Variants in RUNX1T1 observed in about 807,000 individuals in gnomAD.
RUNX1T1 encodes the protein RUNX1 partner transcriptional co-repressor 1, also known as protein CBFA2T1.
A neutral mutation model predicts 62.8 loss-of-function variants in RUNX1T1; 4 were observed. The observed-to-expected ratio is 0.06, with a 90% CI of 0.03 to 0.15. RUNX1T1 has a LOEUF of 0.15. Ranked by LOEUF, RUNX1T1 falls within the 10% of genes least tolerant of loss-of-function variation. The probability of loss-of-function intolerance (pLI) is 1.00; values close to 1 mark genes in which losing one functional copy is unlikely to be tolerated. For missense variants in RUNX1T1, 508 were observed against 754.3 expected, an observed-to-expected ratio of 0.67 and a Z score of 3.82; for synonymous variants, 291 against 286.0, an observed-to-expected ratio of 1.02 and a Z score of -0.18.
chr8:92,071,349 A>C (rs1186730777), intron 2 of RUNX1T1: 1 of 152,226 alleles, frequency 6.6e-6, no homozygotes, highest in African/African-American at 2.4e-5. Flanking sequence ...GGAAAAGAGC[A>C]ACACACATAG....
At position 92,035,883 on chromosome 8, in the gene RUNX1T1, A is replaced by G. The variant is rs1192552359; in HGVS notation, c.8-18520T>C. Among the ~76,000 whole-genome samples the G allele has an allele frequency of 2.6e-5, 4 of 152,260 alleles. No individual in the cohort carries two copies. The South Asian group carries it at 6.2e-4, about 24-fold the overall frequency. The stretch of plus-strand genomic sequence containing the variant: ...TTAATACCAGGAAAACCATTGGGGA[A>G]CCTAGAACCATAAAATTCTGGCTAG... On this transcript the variant is annotated intron_variant, in intron 1 of 10. Coordinates refer to ENST00000396218, the Ensembl canonical transcript of RUNX1T1.
At chr8:91,979,684 G>A (rs984654404) in intron 8 of RUNX1T1, 1 of 359,746 alleles carries the variant, frequency 2.8e-6, no homozygotes, top group African/African-American at 2.1e-5. Context: ...GAGGAGACCA[G>A]GTCAGAGTGA....
intron 8 of RUNX1T1, among the ~76,000 whole-genome samples, chr8:91,978,290 C>G (rs1255740230): frequency 6.6e-6 from 1 of 152,100 alleles, no homozygotes; most frequent in Non-Finnish European, 1.5e-5. Flanking sequence ...GATGCCTCAT[C>G]TATAATAAAG....
exon 11 of RUNX1T1, chr8:91,960,319 T>C (rs746394378): frequency 5.7e-5 from 92 of 1,611,692 alleles, no homozygotes; most frequent in Non-Finnish European, 7.0e-5. Flanking sequence ...GGTGTGTCCA[T>C]CGGGCTCCCA....
At chr8:91,972,640 A>C (rs1813091623) in intron 9 of RUNX1T1, among the ~76,000 whole-genome samples, 1 of 152,066 alleles carries the variant, frequency 6.6e-6, no homozygotes, top group African/African-American at 2.4e-5. Context: ...AATTCTATCT[A>C]AGTGGTAGTA....
intron 2 of RUNX1T1, among the ~76,000 whole-genome samples, chr8:92,072,567 T>C (rs912107140): frequency 6.6e-6 from 1 of 152,230 alleles, no homozygotes; most frequent in Non-Finnish European, 1.5e-5. Flanking sequence ...TACAAAAGCA[T>C]GCCTGCTTGT....
intron 10 of RUNX1T1, among the ~76,000 whole-genome samples, chr8:91,963,714 C>A (rs1811017901): frequency 6.6e-6 from 1 of 152,214 alleles, no homozygotes; most frequent in South Asian, 2.1e-4. Flanking sequence ...CGTGTCTATC[C>A]ACAAGGGCTG....
intron 10 of RUNX1T1, among the ~76,000 whole-genome samples, chr8:91,961,751 A>G (rs913836536): frequency 1.3e-5 from 2 of 152,226 alleles, no homozygotes; most frequent in Admixed American, 1.3e-4. Context: ...CCCATTATGC[A>G]AAACTGTAGT....
At chr8:92,059,604 T>TA (rs1410826854) in intron 1 of RUNX1T1, among the ~76,000 whole-genome samples, 21 of 152,280 alleles carry the variant, frequency 1.4e-4, no homozygotes, top group African/African-American at 4.3e-4. Flanking sequence ...GATATGCTGT[T>TA]AAAAAATGGG....
intron 1 of RUNX1T1, chr8:92,094,943 G>GT: frequency 1.0e-6 from 1 of 960,906 alleles, no homozygotes; most frequent in Non-Finnish European, 1.6e-6. Flanking sequence ...ATAATCTATT[G>GT]TTCCCCCTTT....
chr8:91,957,483 T>C (rs996615573), downstream of RUNX1T1: 6 of 218,408 alleles, frequency 2.7e-5, no homozygotes, highest in Non-Finnish European at 4.3e-5. Flanking sequence ...GAATCAGAGA[T>C]AGAGCTCAGA....
chr8:92,010,962 T>G lies in RUNX1T1; in HGVS notation c.477+40A>C. 7 of 1,144,064 alleles carry G rather than the reference T, an allele frequency of 6.1e-6. 1 individual carries two copies. The highest frequency in any genetic ancestry group is 9.3e-6 in the Non-Finnish European group (7 of 754,362). The allele number at this position is 1,144,064 out of a possible 1,614,324, so 70.9% of individuals were successfully genotyped here. A position where few individuals can be genotyped will look rare whatever the true frequency, so the allele number is the denominator to read the frequency against. On this transcript the variant is annotated intron_variant, in intron 4 of 10. Transcript: ENST00000396218. ...ACACAGTTATGACCTAGCAACAATA[T>G]GGTTTAAAATACTTTACAGACCAGT...
At chr8:91,958,394 G>A (rs4734962), downstream of RUNX1T1, 22,501 of 196,636 alleles carry the variant, frequency 0.11, 1,634 homozygotes, top group African/African-American at 0.21. Flanking sequence ...TCAAAATTCC[G>A]ATTTTGGTCC....
chr8:92,068,841 A>G (rs1375365704), intron 2 of RUNX1T1, among the ~76,000 whole-genome samples: 1 of 152,180 alleles, frequency 6.6e-6, no homozygotes, highest in Non-Finnish European at 1.5e-5. Flanking sequence ...CTATGAATAC[A>G]TGAGATACCT....
intron 2 of RUNX1T1, among the ~76,000 whole-genome samples, chr8:92,068,853 T>C (rs1477402500): frequency 2.0e-5 from 3 of 152,190 alleles, no homozygotes; most frequent in African/African-American, 7.2e-5. Flanking sequence ...GAGATACCTT[T>C]AATCTCACTA....
chr8:92,025,598 T>C (rs1029845293), intron 1 of RUNX1T1, among the ~76,000 whole-genome samples: 2 of 152,194 alleles, frequency 1.3e-5, no homozygotes, highest in African/African-American at 4.8e-5. Flanking sequence ...GCCGGGTTTG[T>C]CCCAAGTTCT....
At chr8:91,958,438 T>C, downstream of RUNX1T1, 1 of 195,776 alleles carries the variant, frequency 5.1e-6, no homozygotes, top group Non-Finnish European at 1.1e-5. Flanking sequence ...TCCCTTTTTG[T>C]AAGAATACTG....
At chr8:92,041,232 GGCAT>G (rs67633117) in intron 1 of RUNX1T1, among the ~76,000 whole-genome samples, 37,748 of 151,902 alleles carry the variant, frequency 0.25, 5,119 homozygotes, top group African/African-American at 0.36. Flanking sequence ...AAAGCCAAGG[GGCAT>G]GCATGATTTC....
At chr8:92,022,516 T>C (rs951780807) in intron 1 of RUNX1T1, among the ~76,000 whole-genome samples, 3 of 152,152 alleles carry the variant, frequency 2.0e-5, no homozygotes, top group African/African-American at 7.2e-5. Flanking sequence ...CCATCATGGA[T>C]GGGATCGGTC....
Sources: allele counts gnomAD v4.1 joint callset (sites outside exome capture counted in the v4.1 genomes callset), GRCh38; gene constraint gnomAD v4.1.1; transcripts MANE v1.5; gene names NCBI Gene and HGNC (gene_info 2026-07-23, HGNC 2026-07-21).